HECW1: variants seen among roughly 807,000 people sequenced by gnomAD.
HECW1 encodes the protein HECT, C2 and WW domain containing E3 ubiquitin protein ligase 1.
In HECW1, 61 loss-of-function variants were observed where a neutral mutation model predicts 182.3. That is an observed-to-expected ratio of 0.33 (90% confidence interval 0.27 to 0.41). The LOEUF is 0.41. Ranked by LOEUF, HECW1 falls within the 10% of genes least tolerant of loss-of-function variation. HECW1 has a pLI of 1.00. For missense variants in HECW1, 1,739 were observed against 2,108.9 expected (o/e 0.82, Z 3.44); for synonymous variants, 859 against 832.6 (o/e 1.03, Z -0.55).
At chr7:43,299,474 C>G (rs1055256582) in intron 3 of HECW1, among the ~76,000 whole-genome samples, 1 of 152,078 alleles carries the variant, frequency 6.6e-6, no homozygotes, top group Non-Finnish European at 1.5e-5. Flanking sequence ...CCACAGCAGA[C>G]TATAGCTTTT....
chr7:43,126,461 A>G (rs1030560395), intron 2 of HECW1, among the ~76,000 whole-genome samples: 1 of 152,214 alleles, frequency 6.6e-6, no homozygotes, highest in African/African-American at 2.4e-5. Context: ...AGCTACTGCC[A>G]TGCTATAATG....
intron 2 of HECW1, among the ~76,000 whole-genome samples, chr7:43,189,822 T>A (rs944472948): frequency 6.6e-6 from 1 of 152,188 alleles, no homozygotes; most frequent in Admixed American, 6.5e-5. Flanking sequence ...ATACGTCTCA[T>A]AAAATGTCAG....
rs554789176 is a variant in HECW1, at chr7:43,303,505, G to T, written c.28-8258G>T. Reference sequence around the variant, plus strand: ...ACAAGTTCCTTGTATTTTAAATCATGACTTCCTGTGTGGATATTATCTGGC... The same window carrying T: ...ACAAGTTCCTTGTATTTTAAATCATTACTTCCTGTGTGGATATTATCTGGC... On this transcript the variant is annotated intron_variant, in intron 3 of 29. Transcript: ENST00000395891. Among the ~76,000 whole-genome samples, 94 of 152,114 alleles carry T rather than the reference G, an allele frequency of 6.2e-4. 2 individuals are homozygous for T. The South Asian group carries it at 0.018, about 29-fold the overall frequency.
chr7:43,500,070 A>G (rs577932564), intron 19 of HECW1, among the ~76,000 whole-genome samples: 9 of 150,198 alleles, frequency 6.0e-5, no homozygotes, highest in African/African-American at 2.2e-4. Context: ...CTTTCCTCCC[A>G]TGGCTTCCAA....
At chr7:43,502,180 G>C (rs1476531635) in intron 21 of HECW1, among the ~76,000 whole-genome samples, 1 of 152,178 alleles carries the variant, frequency 6.6e-6, no homozygotes, top group African/African-American at 2.4e-5. Context: ...ACCACTTTTG[G>C]TGATACAGCT....
At chr7:43,187,417 T>C (rs2152680901) in intron 2 of HECW1, among the ~76,000 whole-genome samples, 1 of 152,312 alleles carries the variant, frequency 6.6e-6, no homozygotes, top group South Asian at 2.1e-4. Context: ...TACCATAATT[T>C]TGGGTAACTT....
chr7:43,171,218 A>T (rs766832700), intron 2 of HECW1, among the ~76,000 whole-genome samples: 1 of 152,096 alleles, frequency 6.6e-6, no homozygotes, highest in Non-Finnish European at 1.5e-5. Context: ...ACAATCAAGG[A>T]GTTCCATATA....
rs1235079678 is a variant in HECW1 at position 43,444,252 on chromosome 7, G to A, written c.1080G>A (p.Glu360=). ...AGATTTCCCTGAGTACCGAGCCTGA[G>A]TCAGCCCAAATTCAGGACAGCCCCA... ...DEEISLSTEP[E]SAQIQDSPMN... is the part of the protein sequence containing the mutation. The change falls in exon 11 of 30, where the codon GAG becomes GAA. Residue 360 remains glutamate, a synonymous_variant. Transcript: ENST00000395891. The surrounding 1 kb of genome is among the most constrained non-coding windows in gnomAD (Gnocchi z 4.3). 3 of 1,611,256 alleles carry A rather than the reference G, an allele frequency of 1.9e-6. No individual in the cohort carries two copies. The highest frequency in any genetic ancestry group is 2.5e-6 in the Non-Finnish European group (3 of 1,177,660).
Position 43,512,246 on chromosome 7 carries a change from G to A in HECW1, c.4019+3125G>A, listed in dbSNP as rs141871048. The A allele has an allele frequency of 2.9e-3, 639 of 222,298 alleles. 3 individuals carry two copies. Among genetic ancestry groups the A allele is most frequent in the African/African-American group, 0.013 (596 of 44,766 alleles). 13.8% of individuals were successfully genotyped at this position (222,298 alleles called of 1,614,324 possible). A position where few individuals can be genotyped will look rare whatever the true frequency, so the allele number is the denominator to read the frequency against. ...TTTGTAAAGCAGGACATTGTCCCTTGACACAGGACAAGCCAGGGCAGGATT... is the reference window on the plus strand; with the variant it reads ...TTTGTAAAGCAGGACATTGTCCCTTAACACAGGACAAGCCAGGGCAGGATT... On this transcript the variant is annotated intron_variant, in intron 24 of 29. Transcript: ENST00000395891.
At chr7:43,137,785 A>C (rs1029659143) in intron 2 of HECW1, among the ~76,000 whole-genome samples, 4 of 152,040 alleles carry the variant, frequency 2.6e-5, no homozygotes, top group Admixed American at 1.3e-4. Context: ...CCTGAGCTCA[A>C]GTGATCTGCC....
At chr7:43,305,824 G>A (rs1162665621) in intron 3 of HECW1, among the ~76,000 whole-genome samples, 15 of 151,824 alleles carry the variant, frequency 9.9e-5, no homozygotes, top group African/African-American at 3.4e-4. Flanking sequence ...TCAATGGCAC[G>A]ATCTCGGCTC....
At chr7:43,266,060 G>T (rs1801755482) in intron 3 of HECW1, among the ~76,000 whole-genome samples, 1 of 152,078 alleles carries the variant, frequency 6.6e-6, no homozygotes, top group African/African-American at 2.4e-5. Flanking sequence ...TTTTATGGAG[G>T]CTGCATTATG....
chr7:43,308,392 A>T (rs903151010), intron 3 of HECW1, among the ~76,000 whole-genome samples: 1 of 140,352 alleles, frequency 7.1e-6, no homozygotes, highest in Non-Finnish European at 1.5e-5. Flanking sequence ...TATATATATA[A>T]AATCTTCACA....
chr7:43,424,999 A>G (rs1350423194), intron 8 of HECW1, among the ~76,000 whole-genome samples: 1 of 152,206 alleles, frequency 6.6e-6, no homozygotes, highest in Non-Finnish European at 1.5e-5. Context: ...GGTATAACTT[A>G]GTGTGTTTTT....
At chr7:43,348,638 C>T (rs770680808) in intron 5 of HECW1, among the ~76,000 whole-genome samples, 31 of 152,046 alleles carry the variant, frequency 2.0e-4, no homozygotes, top group Non-Finnish European at 4.0e-4. Flanking sequence ...TTTTTGATGT[C>T]GGCATTTAGG....
chr7:43,499,627 C>T (rs1453182010), intron 19 of HECW1, among the ~76,000 whole-genome samples: 1 of 151,680 alleles, frequency 6.6e-6, no homozygotes, highest in African/African-American at 2.4e-5. Context: ...AAAAATTAAA[C>T]AAGAAAAGAA....
At chr7:43,301,270 GAGA>G (rs1188708888) in intron 3 of HECW1, among the ~76,000 whole-genome samples, 1 of 152,174 alleles carries the variant, frequency 6.6e-6, no homozygotes, top group Non-Finnish European at 1.5e-5. Flanking sequence ...GCTTTTCCAC[GAGA>G]AGTTCCTTCT....
chr7:43,282,244 C>T (rs1243547137), intron 3 of HECW1, among the ~76,000 whole-genome samples: 1 of 152,236 alleles, frequency 6.6e-6, no homozygotes, highest in Non-Finnish European at 1.5e-5. Flanking sequence ...TGGTGCATCA[C>T]TTTAATGAAC....
chr7:43,482,321 T>C (rs1446015330), intron 17 of HECW1, among the ~76,000 whole-genome samples: 1 of 152,208 alleles, frequency 6.6e-6, no homozygotes, highest in Non-Finnish European at 1.5e-5. Flanking sequence ...AGAGGGACTC[T>C]GGTATCAAAA....
Sources: gnomAD v4.1 joint callset for allele counts (sites outside exome capture counted in the v4.1 genomes callset) on GRCh38, gnomAD v4.1.1 for gene constraint, Gnocchi (gnomAD v3.1) non-coding constraint, MANE v1.5 for transcripts, NCBI Gene and HGNC (gene_info 2026-07-23, HGNC 2026-07-21) for gene names.